Variants in BEGAIN observed in about 807,000 individuals in gnomAD.
BEGAIN encodes brain enriched guanylate kinase associated.
In BEGAIN, 19 loss-of-function variants were observed where a neutral mutation model predicts 35.8. That is an observed-to-expected ratio of 0.53 (90% CI 0.37 to 0.78). The LOEUF (loss-of-function observed/expected upper bound fraction) is 0.78. Among genes scored for constraint, BEGAIN ranks in the 30% least tolerant of loss-of-function variants. The probability of loss-of-function intolerance (pLI) is 0.00; values close to 1 mark genes in which losing one functional copy is unlikely to be tolerated. For synonymous variants in BEGAIN, 462 were observed against 388.6 expected, an observed-to-expected ratio of 1.19 and a Z score of -2.22; for missense variants, 795 against 853.6, an observed-to-expected ratio of 0.93 and a Z score of 0.85.
rs117622048 is a variant in BEGAIN, at chr14:100,582,515, C to T, written c.42+4734G>A. The stretch of plus-strand genomic sequence containing the variant: ...TCTGGGAATCCGCACACTTGTGCTC[C>T]TAATCACCTGCCCCGCTGTCCCTGG... On this transcript the variant is annotated intron_variant, in intron 1 of 6. Transcript: ENST00000554140. Among the ~76,000 whole-genome samples the T allele has an allele frequency of 7.1e-3, 1,076 of 152,322 alleles. 10 individuals are homozygous for T. Among genetic ancestry groups the T allele is most frequent in the Middle Eastern group, 0.01 (3 of 294 alleles).
At chr14:100,550,418 A>G (rs1329019696) in intron 2 of BEGAIN, 1 of 399,020 alleles carries the variant, frequency 2.5e-6, no homozygotes, top group East Asian at 3.6e-5. Context: ...CAGGTATGTT[A>G]CCTGTCCCAG....
rs2033967875 is a variant in BEGAIN, at chr14:100,558,612, C to G, written c.71+9299G>C. ...GGCAGCACAGATCTGCTGGGCGCAG[C>G]TGAGCTCCCATCGCCCCTACAAATC... On this transcript the variant is annotated intron_variant, in intron 2 of 6. Coordinates refer to ENST00000554140, the MANE Select transcript of BEGAIN (RefSeq NM_001385089.1). This position sits in a 1 kb window ranked among gnomAD's most constrained non-coding sequence, Gnocchi z 4.6. 6.6e-6 allele frequency among the ~76,000 whole-genome samples: 1 copy of G among 152,230 alleles called. No homozygotes were observed. The highest frequency in any genetic ancestry group is 2.1e-4 in the South Asian group (1 of 4,834).
rs919808465 is a variant in BEGAIN at position 100,586,094 on chromosome 14, A to G, written c.42+1155T>C. Among the ~76,000 whole-genome samples the G allele has an allele frequency of 4.6e-5, 7 of 152,372 alleles. No individual in the cohort carries two copies. Among genetic ancestry groups the G allele is most frequent in the Non-Finnish European group, 8.8e-5 (6 of 68,028 alleles). ...CAACGGCCAGTTGCCCCTGCTGGCAAGACCAAGGCCAGCCTGGCAGGGCTG... is the reference window on the plus strand; with the variant it reads ...CAACGGCCAGTTGCCCCTGCTGGCAGGACCAAGGCCAGCCTGGCAGGGCTG... On this transcript the variant is annotated intron_variant, in intron 1 of 6. Coordinates refer to ENST00000554140, the MANE Select transcript of BEGAIN (RefSeq NM_001385089.1). This position sits in a 1 kb window ranked among gnomAD's most constrained non-coding sequence, Gnocchi z 4.9.
chr14:100,576,642 A>T (rs1433143129), intron 1 of BEGAIN, among the ~76,000 whole-genome samples: 1 of 151,922 alleles, frequency 6.6e-6, no homozygotes, highest in South Asian at 2.1e-4. Context: ...GCCCACGAGG[A>T]CCCTCCCTGG....
At chr14:100,549,530 T>G (rs1266843059) in intron 2 of BEGAIN, 1 of 152,362 alleles carries the variant, frequency 6.6e-6, no homozygotes, top group Non-Finnish European at 1.5e-5. Context: ...CAGTCCAGGC[T>G]GTGTACCTAG....
rs144621415 is a variant in BEGAIN, at chr14:100,575,407, T to A, written c.43-7468A>T. Reference sequence around the variant, plus strand: ...GCTGAATCCCTACCTTGGGCCAGGGTCCTTCCCCAGTTATCTCTAATGTCC... The same window carrying A: ...GCTGAATCCCTACCTTGGGCCAGGGACCTTCCCCAGTTATCTCTAATGTCC... On this transcript the variant is annotated intron_variant, in intron 1 of 6. Transcript: ENST00000554140. 7.5e-3 allele frequency among the ~76,000 whole-genome samples: 1,139 copies of A among 152,228 alleles called. 19 individuals are homozygous for A. Among genetic ancestry groups the A allele is most frequent in the African/African-American group, 0.026 (1,077 of 41,520 alleles).
At chr14:100,564,118 G>T (rs2034499632) in intron 2 of BEGAIN, among the ~76,000 whole-genome samples, 1 of 151,102 alleles carries the variant, frequency 6.6e-6, no homozygotes, top group Admixed American at 6.6e-5. Context: ...GGGCTGGCCG[G>T]GAGCAGGATG....
At chr14:100,577,686 G>A in intron 1 of BEGAIN, 1 of 399,132 alleles carries the variant, frequency 2.5e-6, no homozygotes, top group Non-Finnish European at 4.4e-6. Flanking sequence ...CAGCCCGGCT[G>A]CCTGTGTTCA....
intron 1 of BEGAIN, among the ~76,000 whole-genome samples, chr14:100,574,467 C>T (rs568422159): frequency 1.3e-5 from 2 of 151,854 alleles, no homozygotes; most frequent in Non-Finnish European, 2.9e-5. Context: ...ACTGGCCTCC[C>T]GGAGCTAAAT....
Position 100,586,424 on chromosome 14 carries a change from C to A in BEGAIN, c.42+825G>T, listed in dbSNP as rs1329688449. ...ATCCGGCCCCGCTCCCGGGTGCCCA[C>A]TCTGCTCCCATTCTGCCGGCTCAGG... On this transcript the variant is annotated intron_variant, in intron 1 of 6. Transcript: ENST00000554140. The surrounding 1 kb of genome is among the most constrained non-coding windows in gnomAD (Gnocchi z 4.9). 1.3e-5 allele frequency among the ~76,000 whole-genome samples: 2 copies of A among 152,210 alleles called. No homozygotes were observed. The highest frequency in any genetic ancestry group is 2.9e-5 in the Non-Finnish European group (2 of 68,040).
chr14:100,555,351 C>T (rs1032346880), intron 2 of BEGAIN, among the ~76,000 whole-genome samples: 17 of 152,264 alleles, frequency 1.1e-4, no homozygotes, highest in African/African-American at 4.1e-4. Flanking sequence ...TGCCCGTGGC[C>T]ACCCTCGTTC....
chr14:100,542,337 C>G (rs1378244487), intron 5 of BEGAIN, among the ~76,000 whole-genome samples: 2 of 152,396 alleles, frequency 1.3e-5, no homozygotes, highest in East Asian at 3.9e-4. Context: ...ACCATACTCG[C>G]CTGGTGTCCC....
intron 2 of BEGAIN, chr14:100,550,290 G>A (rs1025976051): frequency 1.5e-5 from 6 of 396,602 alleles, no homozygotes; most frequent in Non-Finnish European, 2.2e-5. Flanking sequence ...CTGTGCCGCC[G>A]GCCCACGCCT....
At chr14:100,576,552 C>T (rs1357965727) in intron 1 of BEGAIN, among the ~76,000 whole-genome samples, 1 of 152,174 alleles carries the variant, frequency 6.6e-6, no homozygotes, top group East Asian at 1.9e-4. Context: ...AGGTTGATAT[C>T]CCACAAACCC....
chr14:100,544,938 G>A (rs2032171665), intron 4 of BEGAIN, 62 bp downstream of exon 4: 1 of 1,547,048 alleles, frequency 6.5e-7, no homozygotes, highest in Non-Finnish European at 8.9e-7. Context: ...GGTGTCAGCT[G>A]GGTGGCTCCC....
intron 5 of BEGAIN, among the ~76,000 whole-genome samples, chr14:100,541,010 G>A (rs2031524466): frequency 6.6e-6 from 1 of 152,226 alleles, no homozygotes; most frequent in Non-Finnish European, 1.5e-5. Flanking sequence ...TGGGAGGCAG[G>A]ATGAACCCCC....
chr14:100,544,888 G>A, intron 4 of BEGAIN, 112 bp downstream of exon 4: 2 of 1,060,404 alleles, frequency 1.9e-6, no homozygotes, highest in Non-Finnish European at 2.9e-6. Context: ...AAAGGGGTGG[G>A]ACCAGCAAGA....
chr14:100,556,419 C>A (rs894780380), intron 2 of BEGAIN, among the ~76,000 whole-genome samples: 2 of 152,196 alleles, frequency 1.3e-5, no homozygotes, highest in African/African-American at 4.8e-5. Flanking sequence ...GGTGGGCAGA[C>A]CCAGCGCGTG....
chr14:100,542,165 A>C (rs577959620), intron 5 of BEGAIN, among the ~76,000 whole-genome samples: 1 of 152,128 alleles, frequency 6.6e-6, no homozygotes, highest in African/African-American at 2.4e-5. Context: ...ACTCCTTAGA[A>C]GGGTGGCCTG....
Sources: allele counts gnomAD v4.1 joint callset (sites outside exome capture counted in the v4.1 genomes callset), GRCh38; gene constraint gnomAD v4.1.1; non-coding constraint Gnocchi (gnomAD v3.1); transcripts MANE v1.5; gene names NCBI Gene and HGNC (gene_info 2026-07-23, HGNC 2026-07-21).